The following PPP2R3C variants were observed in gnomAD, a reference collection of about 807,000 sequenced individuals.
PPP2R3C encodes the protein protein phosphatase 2 regulatory subunit B''gamma.
In PPP2R3C, 47 loss-of-function variants were observed where a neutral mutation model predicts 63.7. That is an observed-to-expected ratio of 0.74 (90% CI 0.58 to 0.94). The LOEUF (loss-of-function observed/expected upper bound fraction) is 0.94, where lower values mean the gene tolerates loss of function less well. Ranked by LOEUF, PPP2R3C falls within the 40% of genes least tolerant of loss-of-function variation. The pLI is 0.00. For missense variants in PPP2R3C, 421 were observed against 518.4 expected (o/e 0.81, Z 1.82); for synonymous variants, 180 against 177.4 (o/e 1.01, Z -0.12).
intron 6 of PPP2R3C, chr14:35,106,363 A>G (rs2138676430): frequency 6.5e-6 from 1 of 152,930 alleles, no homozygotes; most frequent in South Asian, 2.1e-4. Context: ...TTTTTTTGAG[A>G]CAGGGTCTCC....
chr14:35,098,815 A>ATCGG (rs2046092703), intron 7 of PPP2R3C: 1 of 156,706 alleles, frequency 6.4e-6, no homozygotes, highest in Non-Finnish European at 1.4e-5. Flanking sequence ...CTTATAGAGA[A>ATCGG]TAAGAAAAAT....
chr14:35,091,119 A>G lies in PPP2R3C; in HGVS notation c.1064T>C (p.Ile355Thr). The G allele has an allele frequency of 1.2e-6, 2 of 1,608,398 alleles. No homozygotes were observed. The highest frequency in any genetic ancestry group is 1.7e-6 in the Non-Finnish European group (2 of 1,176,124). Reference protein sequence around the residue: ...ALQYIFKLLDIENKGYLNVFS... With the variant: ...ALQYIFKLLDTENKGYLNVFS... Reference sequence around the variant, plus strand: ...GACATTCAGGTATCCTTTGTTCTCAATATCAAGCAGTTTGAAAATATATTG... The same window carrying G: ...GACATTCAGGTATCCTTTGTTCTCAGTATCAAGCAGTTTGAAAATATATTG... Residue 355 changes from isoleucine to threonine, a missense_variant, in exon 11 of 13, where the codon ATT becomes ACT. Ile to Thr is a moderately conservative substitution (Grantham distance 89). This residue lies in a region of PPP2R3C where 231 missense variants were observed against 264.8 expected (regional missense o/e 0.87). Transcript: ENST00000261475.
chr14:35,090,778 C>T (rs192098626), intron 11 of PPP2R3C, among the ~76,000 whole-genome samples: 210 of 146,844 alleles, frequency 1.4e-3, no homozygotes, highest in African/African-American at 4.8e-3. Context: ...TGCAGTGGCA[C>T]GATCTCGGCT....
intron 10 of PPP2R3C, among the ~76,000 whole-genome samples, chr14:35,093,081 C>T (rs1034416394): frequency 3.3e-5 from 5 of 152,106 alleles, no homozygotes; most frequent in East Asian, 1.9e-4. Flanking sequence ...GGCATGGTGG[C>T]GGGCGCCTGT....
Position 35,095,060 on chromosome 14 carries a change from A to G in PPP2R3C, c.963T>C (p.Tyr321=), listed in dbSNP as rs765191351. Residue 321 remains tyrosine, a synonymous_variant, in exon 10 of 13, where the codon TAT becomes TAC. Coordinates refer to ENST00000261475, the MANE Select transcript of PPP2R3C (RefSeq NM_017917.4). The part of the protein sequence containing the change: ...LDRVFQECLT[Y]DGEMDYKTYL... ...TTTAAACTACTACCATTTCTCCATC[A>G]TAAGTGAGACACTCCTGGAAAACAC... 1.0e-5 allele frequency: 16 copies of G among 1,606,398 alleles called. No individual in the cohort carries two copies. Among genetic ancestry groups the G allele is most frequent in the Non-Finnish European group, 1.3e-5 (15 of 1,173,174 alleles).
At chr14:35,105,624 A>T (rs113644784) in intron 6 of PPP2R3C, among the ~76,000 whole-genome samples, 171 of 152,230 alleles carry the variant, frequency 1.1e-3, no homozygotes, top group Middle Eastern at 3.4e-3. Flanking sequence ...AAACGGAAAC[A>T]TCCTGTGTCT....
chr14:35,110,023 G>C, intron 3 of PPP2R3C, 92 bp from the exon 4 acceptor site: 2 of 754,612 alleles, frequency 2.7e-6, no homozygotes, highest in Non-Finnish European at 4.2e-6. Context: ...TAAAATGAGA[G>C]TTTGTTGGCA....
In PPP2R3C at chr14:35,089,955, G is replaced by A. The variant is rs372010337; in HGVS notation, c.1113+1115C>T. ...GCTGGGATTACAGGCATGAGCCACCGCAACCCGGCCGATTTTTAAATTTAA... is the reference window on the plus strand; with the variant it reads ...GCTGGGATTACAGGCATGAGCCACCACAACCCGGCCGATTTTTAAATTTAA... On this transcript the variant is annotated intron_variant, in intron 11 of 12. Coordinates refer to ENST00000261475, the MANE Select transcript of PPP2R3C (RefSeq NM_017917.4). Among the ~76,000 whole-genome samples the A allele has an allele frequency of 1.2e-3, 182 of 152,046 alleles. 2 individuals carry two copies. Among genetic ancestry groups the A allele is most frequent in the African/African-American group, 3.4e-3 (139 of 41,486 alleles).
intron 1 of PPP2R3C, among the ~76,000 whole-genome samples, chr14:35,120,573 A>G (rs763602686): frequency 6.6e-6 from 1 of 152,166 alleles, no homozygotes; most frequent in African/African-American, 2.4e-5. Context: ...AATGAGATAT[A>G]TATTAAAATA....
At chr14:35,085,928 A>G (rs895505981) in intron 12 of PPP2R3C, 150 bp from the exon 13 acceptor site, 1 of 632,472 alleles carries the variant, frequency 1.6e-6, no homozygotes, top group Non-Finnish European at 2.6e-6. Context: ...TTTTTGTTCT[A>G]CTTTTTTTCT....
At chr14:35,086,161 T>A (rs2045587155) in intron 12 of PPP2R3C, 1 of 160,110 alleles carries the variant, frequency 6.2e-6, no homozygotes, top group Admixed American at 6.4e-5. Flanking sequence ...GCCTTCTAAT[T>A]GGTGAAACAA....
intron 2 of PPP2R3C, among the ~76,000 whole-genome samples, chr14:35,114,460 C>A (rs2046651143): frequency 6.6e-6 from 1 of 151,988 alleles, no homozygotes; most frequent in African/African-American, 2.4e-5. Flanking sequence ...ATATAAATAC[C>A]TTAATCTGTA....
At chr14:35,113,922 CAG>C (rs536665796) in intron 2 of PPP2R3C, among the ~76,000 whole-genome samples, 280 of 152,238 alleles carry the variant, frequency 1.8e-3, no homozygotes, top group Non-Finnish European at 3.4e-3. Flanking sequence ...CAGCTCTTTT[CAG>C]AGTCAGGTGC....
At chr14:35,121,280 G>A (rs1167563648) in intron 1 of PPP2R3C, among the ~76,000 whole-genome samples, 1 of 152,108 alleles carries the variant, frequency 6.6e-6, no homozygotes. Context: ...CAGAGGCTGA[G>A]GCAGAAGAAC....
intron 6 of PPP2R3C, among the ~76,000 whole-genome samples, chr14:35,103,141 T>G (rs1278968999): frequency 2.0e-5 from 3 of 152,210 alleles, no homozygotes; most frequent in African/African-American, 7.2e-5. Context: ...CAGACTCAGC[T>G]TAAAACTTCC....
rs145289615 is a variant in PPP2R3C at position 35,095,532 on chromosome 14, A to G, written c.839-348T>C. Among the ~76,000 whole-genome samples, 1,158 of 152,192 alleles carry G rather than the reference A, an allele frequency of 7.6e-3. 19 individuals carry two copies. Among genetic ancestry groups the G allele is most frequent in the African/African-American group, 0.026 (1,097 of 41,532 alleles). The stretch of plus-strand genomic sequence containing the variant: ...AAAGCACTGAAATGCTAGCACTTGA[A>G]AGTAGAGATAAGAATGCCAAAAGGA... On this transcript the variant is annotated intron_variant, in intron 9 of 12. Transcript: ENST00000261475.
chr14:35,121,733 G>A, intron 1 of PPP2R3C, 169 bp downstream of exon 1: 1 of 698,338 alleles, frequency 1.4e-6, no homozygotes, highest in Non-Finnish European at 2.4e-6. Context: ...GGAAAGTTTG[G>A]GTCAAACCTA....
intron 12 of PPP2R3C, 46 bp downstream of exon 12, chr14:35,087,905 T>C: frequency 7.2e-7 from 1 of 1,383,286 alleles, no homozygotes. Flanking sequence ...TACAAATGAC[T>C]ATCTCATAAT....
chr14:35,100,075 A>G (rs1389444309), intron 6 of PPP2R3C: 2 of 152,150 alleles, frequency 1.3e-5, no homozygotes, highest in Non-Finnish European at 2.9e-5. Context: ...TCAACATACC[A>G]TGAAAACTGC....
Sources: allele counts gnomAD v4.1 joint callset (sites outside exome capture counted in the v4.1 genomes callset), GRCh38; gene constraint gnomAD v4.1.1; regional missense constraint gnomAD v4.1.1; transcripts MANE v1.5; gene names NCBI Gene and HGNC (gene_info 2026-07-23, HGNC 2026-07-21).